LGALS4: variants seen among roughly 807,000 people sequenced by gnomAD.
The protein encoded by LGALS4 is galectin-4.
LGALS4 carries 37 observed loss-of-function variants against 39.6 expected under a neutral mutation model. The observed-to-expected ratio is 0.93, with a 90% CI of 0.72 to 1.23. LGALS4 has a LOEUF of 1.23. LGALS4 is among the 50% of genes most tolerant of loss of function. The pLI is 0.00. For missense variants in LGALS4, 397 were observed against 433.2 expected (o/e 0.92, Z 0.74); for synonymous variants, 160 against 165.5 (o/e 0.97, Z 0.25).
chr19:38,809,025 C>T lies in LGALS4; in HGVS notation c.135-77G>A, dbSNP rs549469778. Reference sequence around the variant, plus strand: ...GGGCCTCCTCCAGGAAGCCCTCTCCCTGCCGCCCTGTCCTCGGCCTCCCTG... The same window carrying T: ...GGGCCTCCTCCAGGAAGCCCTCTCCTTGCCGCCCTGTCCTCGGCCTCCCTG... On this transcript the variant is annotated intron_variant, in intron 2 of 9. Coordinates refer to ENST00000307751, the MANE Select transcript of LGALS4 (RefSeq NM_006149.4). 114 of 1,284,432 alleles carry T rather than the reference C, an allele frequency of 8.9e-5. No individual in the cohort carries two copies. In the South Asian group the frequency reaches 1.4e-3, roughly 16 times the overall value. The allele number at this position is 1,284,432 out of a possible 1,614,324, so 79.6% of individuals were successfully genotyped here. A position where few individuals can be genotyped will look rare whatever the true frequency, so the allele number is the denominator to read the frequency against.
At position 38,807,037 on chromosome 19, in the gene LGALS4, T is replaced by C. The variant is rs373556021; in HGVS notation, c.340-442A>G. Among the ~76,000 whole-genome samples, 48 of 151,908 alleles carry C rather than the reference T, an allele frequency of 3.2e-4. No individual in the cohort carries two copies. In the East Asian group the frequency reaches 3.7e-3, roughly 12 times the overall value. On this transcript the variant is annotated intron_variant, in intron 3 of 9. Coordinates refer to ENST00000307751, the MANE Select transcript of LGALS4 (RefSeq NM_006149.4). ...TGGGACAGCCTCAGCATCAGGAACC[T>C]TGGAGTCCACAGCTCAGAGGTCAAG...
In LGALS4 at chr19:38,807,135, A is replaced by C. The variant is rs1599995494; in HGVS notation, c.340-540T>G. 2.0e-5 allele frequency among the ~76,000 whole-genome samples: 3 copies of C among 152,246 alleles called. No individual in the cohort carries two copies. The East Asian group carries it at 5.8e-4, about 29-fold the overall frequency. ...GTAATCCCAGCACTTTAGGAAGCCA[A>C]GGTGGGGGATCATTTGAGATCAAGA... On this transcript the variant is annotated intron_variant, in intron 3 of 9. Coordinates refer to ENST00000307751, the MANE Select transcript of LGALS4 (RefSeq NM_006149.4).
Position 38,808,931 on chromosome 19 carries a change from A to T in LGALS4, c.152T>A (p.Val51Glu). ...GTCTGAGCCCGGATCCTGCCCAACC[A>T]CAAAGTTCACGAAGAACCTGGCGGG... The part of the protein sequence containing the change: ...EHMKRFFVNF[V>E]VGQDPGSDVA... Residue 51 changes from valine (V) to glutamate (E), a missense_variant, in exon 3 of 10, where the codon GTG becomes GAG. Val to Glu is a moderately radical substitution (Grantham distance 121). Coordinates refer to ENST00000307751, the MANE Select transcript of LGALS4 (RefSeq NM_006149.4). 1 of 1,611,722 alleles carries T rather than the reference A, an allele frequency of 6.2e-7. No homozygotes were observed. The highest frequency in any genetic ancestry group is 1.1e-5 in the South Asian group (1 of 90,802).
Position 38,802,145 on chromosome 19 carries a change from G to A in LGALS4, c.672C>T (p.Asn224=). ...TGTCCCCTGAGGAGCCCACCTTGAA[G>A]TTGATAGCAAAGCTGGGGACAGAGA... ...VPPTGKSFAI[N]FKVGSSGDIA... Residue 224 remains asparagine, a synonymous_variant, in exon 9 of 10, where the codon AAC becomes AAT. Coordinates refer to ENST00000307751, the MANE Select transcript of LGALS4 (RefSeq NM_006149.4). The A allele has an allele frequency of 1.9e-6, 3 of 1,613,862 alleles. No homozygotes were observed. The highest frequency in any genetic ancestry group is 1.3e-5 in the African/African-American group (1 of 75,048).
rs574483020 is a variant in LGALS4 at position 38,811,245 on chromosome 19, G to A, written c.134+1186C>T. Among the ~76,000 whole-genome samples, 16 of 152,098 alleles carry A rather than the reference G, an allele frequency of 1.1e-4. No individual in the cohort carries two copies. The East Asian group carries it at 2.1e-3, about 20-fold the overall frequency. ...TCCCCTACTAGGACATCAGCTCCAC[G>A]AGGGCAGGGGTCTCTGTCCTGTTCA... On this transcript the variant is annotated intron_variant, in intron 2 of 9. Transcript: ENST00000307751.
chr19:38,801,831 G>A lies in LGALS4; in HGVS notation c.905C>T (p.Ser302Leu), dbSNP rs199814280. 1.6e-5 allele frequency: 26 copies of A among 1,614,178 alleles called. No individual in the cohort carries two copies. In the East Asian group the frequency reaches 1.8e-4, roughly 11 times the overall value. The change falls in exon 10 of 10, where the codon TCG becomes TTG. Residue 302 changes from serine to leucine, a missense_variant. By Grantham distance (145) the Ser-to-Leu change is moderately radical. Coordinates refer to ENST00000307751, the MANE Select transcript of LGALS4 (RefSeq NM_006149.4). The part of the protein sequence containing the change: ...QHLFDFAHRL[S>L]AFQRVDTLEI... ...CAATGTGTCCACCCTCTGGAAGGCC[G>A]AGAGGCGATGGGCAAAGTCAAAGAG...
At chr19:38,809,067 C>T in intron 2 of LGALS4, 119 bp from the exon 3 acceptor site, 2 of 818,634 alleles carry the variant, frequency 2.4e-6, no homozygotes, top group Non-Finnish European at 3.8e-6. Flanking sequence ...ACCTCAGCAC[C>T]AGCTCTGAGG....
intron 2 of LGALS4, 72 bp downstream of exon 2, chr19:38,812,356 GCCC>G: frequency 1.5e-6 from 2 of 1,299,352 alleles, no homozygotes; most frequent in South Asian, 2.4e-5. Flanking sequence ...AGGGCAGAAA[GCCC>G]CCAACAGCCA....
intron 4 of LGALS4, among the ~76,000 whole-genome samples, chr19:38,805,436 C>T (rs1971411660): frequency 1.3e-5 from 2 of 152,100 alleles, no homozygotes; most frequent in Non-Finnish European, 2.9e-5. Flanking sequence ...ATCCCAGCCC[C>T]TGCCCCTCTG....
At chr19:38,806,650 C>G in intron 3 of LGALS4, 55 bp from the exon 4 acceptor site, 1 of 1,599,448 alleles carries the variant, frequency 6.3e-7, no homozygotes, top group Non-Finnish European at 8.5e-7. Context: ...TGGGAAGGTA[C>G]AAACAGGAAG....
chr19:38,812,728 G>C, intron 1 of LGALS4, 114 bp downstream of exon 1: 1 of 1,206,484 alleles, frequency 8.3e-7, no homozygotes, highest in Non-Finnish European at 1.2e-6. Context: ...GTCAGCTTTG[G>C]GTAAATCAGA....
chr19:38,803,856 A>T lies in LGALS4; in HGVS notation c.501+13T>A. 1 of 1,612,418 alleles carries T rather than the reference A, an allele frequency of 6.2e-7. No homozygotes were observed. Among genetic ancestry groups the T allele is most frequent in the African/African-American group, 1.3e-5 (1 of 75,034 alleles). ...CTAGGGAGGAAGACCCTCACCTATCAGCAAGTACTTACAGGGTAAGGTGGC... is the reference window on the plus strand; with the variant it reads ...CTAGGGAGGAAGACCCTCACCTATCTGCAAGTACTTACAGGGTAAGGTGGC... On this transcript the variant is annotated intron_variant, in intron 5 of 9. Coordinates refer to ENST00000307751, the MANE Select transcript of LGALS4 (RefSeq NM_006149.4).
intron 3 of LGALS4, among the ~76,000 whole-genome samples, 156 bp from the exon 4 acceptor site, chr19:38,806,751 A>AGT (rs1385839296): frequency 6.6e-6 from 1 of 152,104 alleles, no homozygotes; most frequent in African/African-American, 2.4e-5. Flanking sequence ...GTGTGAGACC[A>AGT]GTCTGGCCAA....
At chr19:38,806,294 G>T (rs1971420346) in intron 4 of LGALS4, among the ~76,000 whole-genome samples, 167 bp downstream of exon 4, 2 of 151,848 alleles carry the variant, frequency 1.3e-5, no homozygotes, top group Admixed American at 6.6e-5. Context: ...CGTGAACCTG[G>T]GAGGCGGAGC....
chr19:38,806,619 A>G, intron 3 of LGALS4, 24 bp from the exon 4 acceptor site: 3 of 1,612,502 alleles, frequency 1.9e-6, no homozygotes, highest in Non-Finnish European at 2.5e-6. Flanking sequence ...ATGGGAGGTC[A>G]GGAGTCAGCA....
At chr19:38,804,606 A>T (rs1262941165) in intron 4 of LGALS4, among the ~76,000 whole-genome samples, 1 of 151,962 alleles carries the variant, frequency 6.6e-6, no homozygotes, top group African/African-American at 2.4e-5. Flanking sequence ...TCCTCCTTGT[A>T]ATTAACTCCA....
intron 2 of LGALS4, among the ~76,000 whole-genome samples, chr19:38,811,058 C>T (rs1470188713): frequency 2.0e-5 from 3 of 151,934 alleles, no homozygotes; most frequent in Non-Finnish European, 4.4e-5. Context: ...TGCGCCACCA[C>T]GCCCTGGTAA....
Position 38,808,640 on chromosome 19 carries a change from A to AAAG in LGALS4, c.339+103_339+104insCTT, listed in dbSNP as rs1555720051. The stretch of plus-strand genomic sequence containing the variant: ...CTCCATCTCAAAAAAAAAAAAAAAA[A>AAAG]AAAGAAAGAAAGAAAGAAAAGGAAG... On this transcript the variant is annotated intron_variant, in intron 3 of 9. Transcript: ENST00000307751. 6.8e-4 allele frequency: 526 copies of AAAG among 773,720 alleles called. No homozygotes were observed. In the South Asian group the frequency reaches 7.2e-3, roughly 11 times the overall value. 47.9% of individuals were successfully genotyped at this position (773,720 alleles called of 1,614,324 possible).
In LGALS4 at chr19:38,812,891, C is replaced by G. The variant is rs143752580; in HGVS notation, c.-5G>C. 3 of 1,611,434 alleles carry G rather than the reference C, an allele frequency of 1.9e-6. No homozygotes were observed. Among genetic ancestry groups the G allele is most frequent in the South Asian group, 2.2e-5 (2 of 91,056 alleles). On this transcript the variant is annotated 5_prime_UTR_variant, in exon 1 of 10. Transcript: ENST00000307751. Reference sequence around the variant, plus strand: ...CGGTGCGGGGACATAGGCCATCGCTCGAGGCTGCGCTAGTGGCTGGTCCTG... The same window carrying G: ...CGGTGCGGGGACATAGGCCATCGCTGGAGGCTGCGCTAGTGGCTGGTCCTG...
Sources: allele counts gnomAD v4.1 joint callset (sites outside exome capture counted in the v4.1 genomes callset), GRCh38; gene constraint gnomAD v4.1.1; transcripts MANE v1.5; gene names NCBI Gene and HGNC (gene_info 2026-07-23, HGNC 2026-07-21).